MOB4: variants seen among roughly 807,000 people sequenced by gnomAD.
MOB4 encodes the protein MOB family member 4, phocein, also known as MOB-like protein phocein.
A neutral mutation model predicts 32.2 loss-of-function variants in MOB4; 4 were observed. That is an observed-to-expected ratio of 0.12 (90% CI 0.06 to 0.28). The LOEUF (loss-of-function observed/expected upper bound fraction) is 0.28. Ranked by LOEUF, MOB4 falls within the 10% of genes least tolerant of loss-of-function variation. The pLI, the probability that MOB4 is intolerant of heterozygous loss-of-function variation, is 1.00. For synonymous variants in MOB4, 88 were observed against 88.1 expected (o/e 1.00, Z 0.01); for missense variants, 158 against 271.2 (o/e 0.58, Z 2.93).
Position 197,552,100 on chromosome 2 carries a change from G to A in MOB4, c.*1454G>A, listed in dbSNP as rs1447372788. On this transcript the variant is annotated 3_prime_UTR_variant, in exon 8 of 8. Coordinates refer to ENST00000323303, the MANE Select transcript of MOB4 (RefSeq NM_015387.5). ...ACAAGAATGTACAGCAAAAATAAGG[G>A]GAACAGTAGTATACTGAGAGTGTGT... 2.0e-5 allele frequency: 3 copies of A among 152,156 alleles called. No homozygotes were observed. The highest frequency in any genetic ancestry group is 2.9e-5 in the Non-Finnish European group (2 of 67,998). The allele number at this position is 152,156 out of a possible 1,614,324, so 9.4% of individuals were successfully genotyped here. A position where few individuals can be genotyped will look rare whatever the true frequency, so the allele number is the denominator to read the frequency against.
chr2:197,519,527 G>A (rs951083714), intron 1 of MOB4, among the ~76,000 whole-genome samples: 3 of 152,152 alleles, frequency 2.0e-5, no homozygotes, highest in Admixed American at 6.5e-5. Flanking sequence ...AATGCAATGC[G>A]TGTTCTGTAA....
At chr2:197,519,679 C>T (rs1212279632) in intron 1 of MOB4, among the ~76,000 whole-genome samples, 1 of 152,046 alleles carries the variant, frequency 6.6e-6, no homozygotes, top group East Asian at 1.9e-4. Context: ...TTTTTTCTCC[C>T]CTGAAATGAA....
At chr2:197,516,040 C>A (rs775334224), upstream of MOB4, 2 of 1,542,934 alleles carry the variant, frequency 1.3e-6, no homozygotes, top group South Asian at 1.2e-5. Flanking sequence ...CGCAGGCTGC[C>A]GTCCCTACAT....
chr2:197,520,540 T>G (rs1423330581), intron 1 of MOB4, among the ~76,000 whole-genome samples: 1 of 152,002 alleles, frequency 6.6e-6, no homozygotes, highest in Non-Finnish European at 1.5e-5. Context: ...TATATACAGG[T>G]TTATAGATTA....
chr2:197,526,845 T>A (rs2086619686), intron 2 of MOB4, among the ~76,000 whole-genome samples: 1 of 152,242 alleles, frequency 6.6e-6, no homozygotes, highest in Non-Finnish European at 1.5e-5. Context: ...TTTCTTTATT[T>A]CTGTTTGTCT....
intron 1 of MOB4, among the ~76,000 whole-genome samples, chr2:197,521,654 C>T (rs1453691516): frequency 6.6e-6 from 1 of 152,164 alleles, no homozygotes; most frequent in African/African-American, 2.4e-5. Flanking sequence ...CACCCCCAGG[C>T]GTGTATTCTC....
intron 1 of MOB4, chr2:197,516,658 C>T (rs2086419172): frequency 2.1e-6 from 1 of 471,866 alleles, no homozygotes; most frequent in Non-Finnish European, 4.4e-6. Flanking sequence ...TGCCGATATT[C>T]TCCTCCTTGT....
intron 2 of MOB4, among the ~76,000 whole-genome samples, chr2:197,532,797 C>G (rs2086729767): frequency 6.6e-6 from 1 of 151,908 alleles, no homozygotes; most frequent in African/African-American, 2.4e-5. Context: ...ATAAATGCTA[C>G]TAAGAGTTCT....
intron 2 of MOB4, among the ~76,000 whole-genome samples, chr2:197,532,987 T>C (rs570389055): frequency 3.3e-5 from 5 of 151,882 alleles, no homozygotes; most frequent in Non-Finnish European, 7.4e-5. Context: ...TAATCCCGGC[T>C]ACTTGGAAGG....
At chr2:197,521,336 G>A (rs2086514262) in intron 1 of MOB4, among the ~76,000 whole-genome samples, 6 of 152,168 alleles carry the variant, frequency 3.9e-5, no homozygotes, top group Admixed American at 3.9e-4. Context: ...AATAGGGTGT[G>A]GGTCACAAAG....
At chr2:197,533,080 C>T (rs1221035383) in intron 2 of MOB4, among the ~76,000 whole-genome samples, 1 of 152,122 alleles carries the variant, frequency 6.6e-6, no homozygotes, top group African/African-American at 2.4e-5. Context: ...GCCTGGGCGA[C>T]AGAGTGAGAC....
At chr2:197,539,621 A>G (rs549225380) in intron 3 of MOB4, among the ~76,000 whole-genome samples, 1 of 152,038 alleles carries the variant, frequency 6.6e-6, no homozygotes, top group East Asian at 1.9e-4. Context: ...CCCTGCTGTA[A>G]TTTCTTTGTA....
intron 1 of MOB4, among the ~76,000 whole-genome samples, chr2:197,517,110 T>C (rs945735355): frequency 5.9e-5 from 9 of 152,204 alleles, no homozygotes; most frequent in Non-Finnish European, 8.8e-5. Flanking sequence ...TACAGAATTA[T>C]GGAAAGAACA....
rs149191970 is a variant in MOB4, at chr2:197,528,868, C to T, written c.123+5182C>T. On this transcript the variant is annotated intron_variant, in intron 2 of 7. Coordinates refer to ENST00000323303, the MANE Select transcript of MOB4 (RefSeq NM_015387.5). ...TCCTGACCTCGTGATCTGCCCGCCTCGGCTTCCCAAAGTGCTGGGATTACA... is the reference window on the plus strand; with the variant it reads ...TCCTGACCTCGTGATCTGCCCGCCTTGGCTTCCCAAAGTGCTGGGATTACA... Among the ~76,000 whole-genome samples the T allele has an allele frequency of 9.2e-3, 1,401 of 152,120 alleles. 28 individuals carry two copies. The highest frequency in any genetic ancestry group is 0.032 in the African/African-American group (1,331 of 41,504).
At chr2:197,533,772 A>G in intron 2 of MOB4, 2 of 501,018 alleles carry the variant, frequency 4.0e-6, no homozygotes, top group South Asian at 1.7e-5. Flanking sequence ...CCCTGTCATC[A>G]TGGTGTGTGC....
intron 1 of MOB4, 44 bp from the exon 2 acceptor site, chr2:197,523,580 A>G: frequency 6.3e-7 from 1 of 1,575,306 alleles, no homozygotes; most frequent in Non-Finnish European, 8.6e-7. Context: ...AGTTAATCAT[A>G]ATAGTATTTT....
chr2:197,544,805 A>G (rs1211846035), intron 5 of MOB4, among the ~76,000 whole-genome samples: 1 of 152,140 alleles, frequency 6.6e-6, no homozygotes, highest in East Asian at 1.9e-4. Context: ...ATATTTTACT[A>G]CAATTTTTTA....
intron 3 of MOB4, among the ~76,000 whole-genome samples, chr2:197,538,610 T>C (rs2086844216): frequency 6.6e-6 from 1 of 152,228 alleles, no homozygotes; most frequent in Non-Finnish European, 1.5e-5. Flanking sequence ...ATTCCAGCTC[T>C]GGTTGGTCTC....
chr2:197,515,758 G>A (rs944005295), upstream of MOB4: 7 of 384,284 alleles, frequency 1.8e-5, no homozygotes, highest in Admixed American at 4.8e-5. Context: ...CCATACCAAC[G>A]TGCAACGCAG....
Sources: gnomAD v4.1 joint callset for allele counts (sites outside exome capture counted in the v4.1 genomes callset) on GRCh38, gnomAD v4.1.1 for gene constraint, MANE v1.5 for transcripts, NCBI Gene and HGNC (gene_info 2026-07-23, HGNC 2026-07-21) for gene names.